PCDH15: variants seen among roughly 807,000 people sequenced by gnomAD.
PCDH15 encodes protocadherin-15.
PCDH15 carries 129 observed loss-of-function variants against 178.5 expected under a neutral mutation model. The observed-to-expected ratio is 0.72, with a 90% CI of 0.63 to 0.84. The LOEUF (loss-of-function observed/expected upper bound fraction) is 0.84, where lower values mean the gene tolerates loss of function less well. PCDH15 is among the 40% of genes least tolerant of loss of function. PCDH15 has a pLI of 0.00. For missense variants in PCDH15, 2,230 were observed against 2,099.9 expected (o/e 1.06, Z -1.21); for synonymous variants, 800 against 732.0 (o/e 1.09, Z -1.50).
At chr10:54,331,992 G>A (rs975782666) in intron 6 of PCDH15, among the ~76,000 whole-genome samples, 1 of 151,390 alleles carries the variant, frequency 6.6e-6, no homozygotes, top group African/African-American at 2.4e-5. Context: ...GGTTATAGAA[G>A]TTTCTGTCAG....
intron 3 of PCDH15, among the ~76,000 whole-genome samples, chr10:54,889,262 C>T (rs539256834): frequency 8.6e-4 from 131 of 151,772 alleles, no homozygotes; most frequent in African/African-American, 3.1e-3. Flanking sequence ...GTGTACTTTC[C>T]TCACATGCAT....
At chr10:54,467,208 G>A (rs1336439448) in intron 3 of PCDH15, among the ~76,000 whole-genome samples, 1 of 151,808 alleles carries the variant, frequency 6.6e-6, no homozygotes, top group Non-Finnish European at 1.5e-5. Flanking sequence ...CTGCAGTTGG[G>A]AAAGTGAGCA....
At chr10:54,599,833 C>A in intron 2 of PCDH15, 1 of 621,240 alleles carries the variant, frequency 1.6e-6, no homozygotes, top group Non-Finnish European at 2.9e-6. Context: ...GGAAGGTGAG[C>A]AGAAAGAAGG....
At chr10:55,010,355 C>A (rs182649955) in intron 2 of PCDH15, among the ~76,000 whole-genome samples, 132 of 152,196 alleles carry the variant, frequency 8.7e-4, no homozygotes, top group African/African-American at 3.0e-3. Flanking sequence ...GGCAAAGCCC[C>A]TGAGCTCATG....
intron 2 of PCDH15, among the ~76,000 whole-genome samples, chr10:54,583,361 AT>A (rs1179988581): frequency 6.6e-6 from 1 of 151,890 alleles, no homozygotes; most frequent in Non-Finnish European, 1.5e-5. Context: ...GATAATTGTT[AT>A]TTTCCTCCAT....
At chr10:53,937,337 C>A (rs2134038399) in intron 25 of PCDH15, among the ~76,000 whole-genome samples, 1 of 152,200 alleles carries the variant, frequency 6.6e-6, no homozygotes, top group South Asian at 2.1e-4. Context: ...GTACACTTTT[C>A]AATTAATCTT....
chr10:53,916,309 A>G (rs184271443), intron 25 of PCDH15, among the ~76,000 whole-genome samples: 76 of 152,302 alleles, frequency 5.0e-4, no homozygotes, highest in African/African-American at 1.7e-3. Flanking sequence ...TATTCTAAGT[A>G]TTACTTAAAT....
intron 2 of PCDH15, among the ~76,000 whole-genome samples, chr10:54,553,399 G>A (rs1316696798): frequency 6.6e-6 from 1 of 152,168 alleles, no homozygotes; most frequent in Non-Finnish European, 1.5e-5. Flanking sequence ...CCAAATGTTA[G>A]TTTTATTTTG....
chr10:54,613,864 C>T (rs966310825), intron 2 of PCDH15, among the ~76,000 whole-genome samples: 1 of 151,606 alleles, frequency 6.6e-6, no homozygotes, highest in Non-Finnish European at 1.5e-5. Context: ...GTTAGCTCCT[C>T]AACCTTGGAT....
chr10:54,701,995 T>A (rs1430818434), intron 1 of PCDH15, among the ~76,000 whole-genome samples: 1 of 151,904 alleles, frequency 6.6e-6, no homozygotes, highest in East Asian at 1.9e-4. Context: ...AAAAACAACA[T>A]AATATACATT....
chr10:53,865,414 T>C (rs1261009409), intron 27 of PCDH15, among the ~76,000 whole-genome samples: 2 of 152,162 alleles, frequency 1.3e-5, no homozygotes, highest in Non-Finnish European at 1.5e-5. Flanking sequence ...AAAAGAATGA[T>C]GGGTTTAGCT....
chr10:54,080,067 C>T (rs1289678593), intron 16 of PCDH15, among the ~76,000 whole-genome samples: 1 of 152,074 alleles, frequency 6.6e-6, no homozygotes. Flanking sequence ...AATCATTCTG[C>T]ATATTTTACA....
intron 2 of PCDH15, among the ~76,000 whole-genome samples, chr10:54,938,502 A>G (rs1837965137): frequency 6.6e-6 from 1 of 152,188 alleles, no homozygotes; most frequent in African/African-American, 2.4e-5. Flanking sequence ...GAGAATTGGT[A>G]TTAATTTTTT....
intron 2 of PCDH15, among the ~76,000 whole-genome samples, chr10:55,328,026 C>CT (rs1401131822): frequency 1.3e-5 from 2 of 151,822 alleles, no homozygotes; most frequent in Non-Finnish European, 2.9e-5. Flanking sequence ...TAACATACAA[C>CT]TTTTTTATAT....
chr10:54,185,247 G>C lies in PCDH15; in HGVS notation c.1327C>G (p.Leu443Val), dbSNP rs779957406. 9.7e-5 allele frequency: 156 copies of C among 1,613,338 alleles called. No individual in the cohort carries two copies. The highest frequency in any genetic ancestry group is 1.3e-4 in the Non-Finnish European group (154 of 1,179,620). ...IEDTKDPELH[L>V]FLNDYTSVFT... ...ACTGAGGTGTAGTCATTCAGAAAAA[G>C]GTGAAGCTCTGGGTCTTTTGTCTTT... Residue 443 changes from leucine (L) to valine (V), a missense_variant, in exon 12 of 38, where the codon CTT (leucine) becomes GTT (valine). Physicochemically the swap from Leu to Val is conservative, Grantham distance 32. Coordinates refer to ENST00000644397, the MANE Select transcript of PCDH15 (RefSeq NM_001384140.1).
chr10:54,532,762 G>GA (rs5785079), intron 2 of PCDH15, among the ~76,000 whole-genome samples: 1,668 of 145,958 alleles, frequency 0.011, 12 homozygotes, highest in Middle Eastern at 0.025. Context: ...TTATAACAAT[G>GA]AAAAAAAAAA....
chr10:54,789,709 C>A (rs1951211856), intron 1 of PCDH15, among the ~76,000 whole-genome samples: 1 of 151,796 alleles, frequency 6.6e-6, no homozygotes. Flanking sequence ...TTTTGAAGTG[C>A]AAATATGTGA....
At chr10:55,413,457 G>T (rs767891964) in intron 2 of PCDH15, among the ~76,000 whole-genome samples, 4 of 151,512 alleles carry the variant, frequency 2.6e-5, no homozygotes, top group Non-Finnish European at 5.9e-5. Flanking sequence ...TTTTCTAAAA[G>T]GTCTATGATA....
At chr10:54,035,501 T>C (rs1438255518) in intron 18 of PCDH15, among the ~76,000 whole-genome samples, 4 of 151,890 alleles carry the variant, frequency 2.6e-5, no homozygotes, top group African/African-American at 9.7e-5. Flanking sequence ...GAACACACCA[T>C]ATGAGAGCAA....
Sources: gnomAD v4.1 joint callset for allele counts (sites outside exome capture counted in the v4.1 genomes callset) on GRCh38, gnomAD v4.1.1 for gene constraint, MANE v1.5 for transcripts, NCBI Gene and HGNC (gene_info 2026-07-23, HGNC 2026-07-21) for gene names.